Variants in ANO10 observed in about 807,000 individuals in gnomAD.
The protein encoded by ANO10 is anoctamin 10.
A neutral mutation model predicts 74.7 loss-of-function variants in ANO10; 77 were observed. The ratio of observed to expected loss-of-function variants is 1.03; its 90% CI spans 0.86 to 1.25. The LOEUF (loss-of-function observed/expected upper bound fraction) is 1.25, where lower values mean the gene tolerates loss of function less well. ANO10 is among the 50% of genes most tolerant of loss of function. The pLI, the probability that ANO10 is intolerant of heterozygous loss-of-function variation, is 0.00. For missense variants in ANO10, 721 were observed against 778.1 expected (o/e 0.93, Z 0.87); for synonymous variants, 279 against 284.9 (o/e 0.98, Z 0.21).
At chr3:43,577,500 G>C (rs1050090891) in intron 5 of ANO10, among the ~76,000 whole-genome samples, 5 of 152,106 alleles carry the variant, frequency 3.3e-5, no homozygotes, top group Non-Finnish European at 5.9e-5. Context: ...TGCTCCGCCA[G>C]GTGCCTGGAC....
At chr3:43,490,304 C>T (rs2076670766) in intron 11 of ANO10, among the ~76,000 whole-genome samples, 1 of 152,164 alleles carries the variant, frequency 6.6e-6, no homozygotes, top group South Asian at 2.1e-4. Context: ...ATATTCCCTC[C>T]TGTTGCAATA....
chr3:43,367,172 C>T (rs968348104), intron 12 of ANO10, among the ~76,000 whole-genome samples, 198 bp from the exon 13 acceptor site: 10 of 152,174 alleles, frequency 6.6e-5, no homozygotes, highest in African/African-American at 2.2e-4. Flanking sequence ...AATGCAATGT[C>T]GCACTGTGTG....
At chr3:43,656,883 C>T (rs965602597) in intron 1 of ANO10, among the ~76,000 whole-genome samples, 32 of 152,244 alleles carry the variant, frequency 2.1e-4, no homozygotes, top group Non-Finnish European at 4.1e-4. Context: ...CACAGTGCAG[C>T]GGTGGGCTGA....
intron 3 of ANO10, among the ~76,000 whole-genome samples, 170 bp from the exon 4 acceptor site, chr3:43,598,836 A>C (rs765008738): frequency 1.6e-4 from 25 of 152,242 alleles, no homozygotes; most frequent in Admixed American, 3.3e-4. Flanking sequence ...GATATTTTAT[A>C]AGAATAAAAA....
chr3:43,538,502 G>T (rs1369445767), intron 11 of ANO10, among the ~76,000 whole-genome samples: 1 of 152,142 alleles, frequency 6.6e-6, no homozygotes, highest in East Asian at 1.9e-4. Flanking sequence ...ATACCTTAAA[G>T]AACAGGTTTT....
At chr3:43,586,848 T>C (rs1419132996) in intron 4 of ANO10, among the ~76,000 whole-genome samples, 3 of 151,782 alleles carry the variant, frequency 2.0e-5, no homozygotes, top group Non-Finnish European at 4.4e-5. Flanking sequence ...TTCAAAGTCA[T>C]GATAAAAGCA....
chr3:43,681,035 A>G (rs1229797315), intron 1 of ANO10, among the ~76,000 whole-genome samples: 8 of 152,214 alleles, frequency 5.3e-5, no homozygotes, highest in African/African-American at 9.7e-5. Flanking sequence ...GAGCAAAATA[A>G]CCATCTAACA....
intron 11 of ANO10, among the ~76,000 whole-genome samples, chr3:43,470,596 T>TTTA (rs1553679593): frequency 1.1e-4 from 16 of 143,908 alleles, no homozygotes; most frequent in Admixed American, 7.0e-4. Flanking sequence ...CTGGTAATTA[T>TTTA]TTTATTTATT....
Position 43,411,161 on chromosome 3 carries a change from A to ACT in ANO10, c.1914+21448_1914+21449dup, listed in dbSNP as rs369400632. On this transcript the variant is annotated intron_variant, in intron 12 of 12. Coordinates refer to ENST00000292246, the MANE Select transcript of ANO10 (RefSeq NM_018075.5). ...TGCTAGTATACATAAATGTAGTGAC[A>ACT]CTGTGAGGAACTGGTCATGGAAAAT... Among the ~76,000 whole-genome samples the ACT allele has an allele frequency of 4.8e-3, 731 of 152,320 alleles. 6 individuals carry two copies. The highest frequency in any genetic ancestry group is 0.017 in the African/African-American group (703 of 41,564).
intron 12 of ANO10, among the ~76,000 whole-genome samples, chr3:43,388,470 C>T (rs1575632893): frequency 6.6e-6 from 1 of 152,096 alleles, no homozygotes; most frequent in South Asian, 2.1e-4. Context: ...GTGTTCCTGA[C>T]CACATTCCGA....
At chr3:43,601,764 G>T (rs925724778) in intron 2 of ANO10, among the ~76,000 whole-genome samples, 1 of 152,168 alleles carries the variant, frequency 6.6e-6, no homozygotes, top group African/African-American at 2.4e-5. Context: ...TAAGACAAAT[G>T]TAAAAACTAT....
Position 43,668,260 on chromosome 3 carries a change from A to T in ANO10, c.-12+23257T>A, listed in dbSNP as rs199740541. 4.0e-5 allele frequency among the ~76,000 whole-genome samples: 6 copies of T among 150,936 alleles called. No homozygotes were observed. The East Asian group carries it at 1.2e-3, about 29-fold the overall frequency. On this transcript the variant is annotated intron_variant, in intron 1 of 3. Coordinates refer to the ANO10 transcript ENST00000413397. ...TTGAGAATTGTCTATTCATGTCCTT[A>T]GCCCACATTTTTATGGGATTGTTTT...
At chr3:43,594,199 C>T (rs1020967208) in intron 4 of ANO10, among the ~76,000 whole-genome samples, 1 of 152,160 alleles carries the variant, frequency 6.6e-6, no homozygotes, top group Non-Finnish European at 1.5e-5. Flanking sequence ...TTAGACAGAT[C>T]CACGAGACAG....
intron 12 of ANO10, among the ~76,000 whole-genome samples, chr3:43,400,035 G>T (rs1418709815): frequency 6.6e-6 from 1 of 151,954 alleles, no homozygotes; most frequent in Admixed American, 6.6e-5. Flanking sequence ...ATCTAAAGAG[G>T]GTTGCAGCTT....
chr3:43,569,389 A>G (rs1282014001), intron 7 of ANO10, among the ~76,000 whole-genome samples: 1 of 143,600 alleles, frequency 7.0e-6, no homozygotes, highest in African/African-American at 2.7e-5. Flanking sequence ...ACCAAAAAAG[A>G]GAATTTTAGA....
At chr3:43,370,808 C>T (rs2091582661) in intron 12 of ANO10, among the ~76,000 whole-genome samples, 1 of 152,060 alleles carries the variant, frequency 6.6e-6, no homozygotes, top group Non-Finnish European at 1.5e-5. Context: ...ATAATAGGAA[C>T]CTAATCATTA....
chr3:43,685,665 C>T (rs949126183), intron 1 of ANO10, among the ~76,000 whole-genome samples: 2 of 152,208 alleles, frequency 1.3e-5, no homozygotes, highest in African/African-American at 2.4e-5. Flanking sequence ...GGACATTCCC[C>T]ACTGATTCAT....
In ANO10 at chr3:43,366,194, C is replaced by T. The variant is rs373380025; in HGVS notation, c.*712G>A. On this transcript the variant is annotated 3_prime_UTR_variant, in exon 13 of 13. Transcript: ENST00000292246. ...CCAGCAGCAGTTCTCAAAAATGGCC[C>T]AGCCTTCAGCTACAAGCTTTGGTGC... 77 of 154,242 alleles carry T rather than the reference C, an allele frequency of 5.0e-4. 1 individual carries two copies. In the South Asian group the frequency reaches 7.3e-3, roughly 15 times the overall value. 9.6% of individuals were successfully genotyped at this position (154,242 alleles called of 1,614,324 possible).
intron 12 of ANO10, among the ~76,000 whole-genome samples, chr3:43,397,236 T>C (rs2148861527): frequency 6.6e-6 from 1 of 152,270 alleles, no homozygotes; most frequent in East Asian, 1.9e-4. Context: ...GCCCTGTAGT[T>C]TTTATCTTTA....
Sources: allele counts gnomAD v4.1 joint callset (sites outside exome capture counted in the v4.1 genomes callset), GRCh38; gene constraint gnomAD v4.1.1; transcripts MANE v1.5; gene names NCBI Gene and HGNC (gene_info 2026-07-23, HGNC 2026-07-21).